Variants in MIPEP observed in about 807,000 individuals in gnomAD.
MIPEP encodes mitochondrial intermediate peptidase.
In MIPEP, 79 loss-of-function variants were observed where a neutral mutation model predicts 90.3. The observed-to-expected ratio is 0.87, with a 90% CI of 0.73 to 1.05. The LOEUF (loss-of-function observed/expected upper bound fraction) is 1.05. Among genes scored for constraint, MIPEP ranks in the 50% least tolerant of loss-of-function variants. The probability of loss-of-function intolerance (pLI) is 0.00; values close to 1 mark genes in which losing one functional copy is unlikely to be tolerated. For synonymous variants in MIPEP, 334 were observed against 315.8 expected, an observed-to-expected ratio of 1.06 and a Z score of -0.61; for missense variants, 940 against 905.6, an observed-to-expected ratio of 1.04 and a Z score of -0.49.
intron 16 of MIPEP, among the ~76,000 whole-genome samples, chr13:23,785,759 T>C (rs1027854137): frequency 6.6e-6 from 1 of 152,090 alleles, no homozygotes; most frequent in Non-Finnish European, 1.5e-5. Context: ...AAATTTCATA[T>C]TAAAAATCCA....
At chr13:23,737,344 T>C (rs1952277287) in intron 18 of MIPEP, among the ~76,000 whole-genome samples, 2 of 152,118 alleles carry the variant, frequency 1.3e-5, no homozygotes, top group African/African-American at 4.8e-5. Context: ...GTGCTCACAA[T>C]GCTTGGTTGC....
At chr13:23,785,871 T>A (rs1952834282) in intron 16 of MIPEP, among the ~76,000 whole-genome samples, 1 of 151,912 alleles carries the variant, frequency 6.6e-6, no homozygotes, top group African/African-American at 2.4e-5. Flanking sequence ...GAAAACCTAG[T>A]ATCTGACAAA....
chr13:23,873,059 G>C (rs970804397), intron 5 of MIPEP, among the ~76,000 whole-genome samples: 1 of 152,200 alleles, frequency 6.6e-6, no homozygotes, highest in Non-Finnish European at 1.5e-5. Flanking sequence ...AAAGAAGAAT[G>C]CCACATGACT....
At chr13:23,776,075 C>G (rs900876778) in intron 16 of MIPEP, among the ~76,000 whole-genome samples, 1 of 152,048 alleles carries the variant, frequency 6.6e-6, no homozygotes, top group Non-Finnish European at 1.5e-5. Context: ...TTCTCCCTGC[C>G]TTCAATCTCT....
At chr13:23,877,048 C>T (rs951534064) in intron 4 of MIPEP, among the ~76,000 whole-genome samples, 5 of 152,094 alleles carry the variant, frequency 3.3e-5, no homozygotes, top group African/African-American at 1.2e-4. Context: ...ACTATTCTGG[C>T]ATTTTTAAGT....
At position 23,736,076 on chromosome 13, in the gene MIPEP, T is replaced by TAAA. The variant is rs1952260678; in HGVS notation, c.2045-5634_2045-5632dup. Among the ~76,000 whole-genome samples, 3 of 152,196 alleles carry TAAA rather than the reference T, an allele frequency of 2.0e-5. No individual in the cohort carries two copies. In the South Asian group the frequency reaches 6.2e-4, roughly 32 times the overall value. On this transcript the variant is annotated intron_variant, in intron 18 of 18. Transcript: ENST00000382172. ...GTCTTAATTTTAGAAGGGTGACGATTAAAATTGTATTTTCCAAGCACCCCT... is the reference window on the plus strand; with the variant it reads ...GTCTTAATTTTAGAAGGGTGACGATTAAAAAAATTGTATTTTCCAAGCACCCCT...
chr13:23,862,367 A>G lies in MIPEP; in HGVS notation c.993-5T>C. The stretch of plus-strand genomic sequence containing the variant: ...ATCTCAAAATCTTTCAGAGTTCTAT[A>G]AAACAGGTTTATCATTACTTGTTAG... On this transcript the variant is annotated splice_polypyrimidine_tract_variant and splice_region_variant and intron_variant, in intron 8 of 18. Coordinates refer to ENST00000382172, the MANE Select transcript of MIPEP (RefSeq NM_005932.4). The G allele has an allele frequency of 6.4e-7, 1 of 1,558,148 alleles. No homozygotes were observed. Among genetic ancestry groups the G allele is most frequent in the Non-Finnish European group, 8.8e-7 (1 of 1,139,286 alleles).
At chr13:23,870,320 T>TAA (rs1870737164) in intron 5 of MIPEP, 125 bp from the exon 6 acceptor site, 1 of 399,344 alleles carries the variant, frequency 2.5e-6, no homozygotes, top group Non-Finnish European at 3.9e-6. Flanking sequence ...AATAAAATAT[T>TAA]AGTTTAGTAA....
At chr13:23,887,058 T>C (rs1045094966) in intron 1 of MIPEP, among the ~76,000 whole-genome samples, 1 of 152,180 alleles carries the variant, frequency 6.6e-6, no homozygotes, top group Non-Finnish European at 1.5e-5. Context: ...GAGATCTCAG[T>C]ACATAGTACC....
Position 23,862,358 on chromosome 13 carries a change from G to A in MIPEP, c.997C>T (p.Leu333=), listed in dbSNP as rs1037117296. The A allele has an allele frequency of 5.1e-6, 8 of 1,573,306 alleles. No individual in the cohort carries two copies. Among genetic ancestry groups the A allele is most frequent in the Non-Finnish European group, 8.7e-7 (1 of 1,151,178 alleles). The change falls in exon 9 of 19, where the codon CTG becomes TTG. Residue 333 remains leucine (L), a synonymous_variant. Coordinates refer to ENST00000382172, the MANE Select transcript of MIPEP (RefSeq NM_005932.4). ...CCTCGTATCATCTCAAAATCTTTCAGAGTTCTATAAAACAGGTTTATCATT... is the reference window on the plus strand; with the variant it reads ...CCTCGTATCATCTCAAAATCTTTCAAAGTTCTATAAAACAGGTTTATCATT... The part of the protein sequence containing the change: ...KLSDKLSERT[L]KDFEMIRGMK...
At chr13:23,770,164 C>A (rs1004522420) in intron 16 of MIPEP, among the ~76,000 whole-genome samples, 4 of 152,164 alleles carry the variant, frequency 2.6e-5, no homozygotes, top group Non-Finnish European at 5.9e-5. Context: ...ATTAAACAGG[C>A]AAGCAGAACC....
intron 6 of MIPEP, 90 bp downstream of exon 6, chr13:23,869,923 G>T (rs1215776130): frequency 1.9e-6 from 2 of 1,059,652 alleles, no homozygotes; most frequent in East Asian, 5.6e-5. Flanking sequence ...AGTTTTTAAG[G>T]ATACTATTAT....
intron 8 of MIPEP, 47 bp from the exon 9 acceptor site, chr13:23,862,409 T>C: frequency 9.1e-7 from 1 of 1,094,724 alleles, no homozygotes; most frequent in Non-Finnish European, 1.4e-6. Flanking sequence ...ATTTTAACAA[T>C]TACATTATGA....
At chr13:23,835,898 T>C (rs771291660) in intron 14 of MIPEP, among the ~76,000 whole-genome samples, 3 of 152,220 alleles carry the variant, frequency 2.0e-5, no homozygotes, top group Non-Finnish European at 4.4e-5. Context: ...TTTTTAGAAG[T>C]GAGACAGGCT....
In MIPEP at chr13:23,836,311, T is replaced by C. The variant is rs759253547; in HGVS notation, c.1582A>G (p.Ile528Val). The change falls in exon 14 of 19, where the codon ATT (isoleucine) becomes GTT (valine). Residue 528 changes from isoleucine to valine, a missense_variant. Ile to Val is a conservative substitution (Grantham distance 29). Coordinates refer to ENST00000382172, the MANE Select transcript of MIPEP (RefSeq NM_005932.4). ...TCATTTGCAAAGTACTCCATCAGAA[T>C]AGAAGGAACCTCAGCAAAATCAGTA... ...CPTDFAEVPS[I>V]LMEYFANDYR... 7.5e-6 allele frequency: 12 copies of C among 1,601,442 alleles called. No individual in the cohort carries two copies. The Admixed American group carries it at 8.6e-5, about 12-fold the overall frequency.
intron 16 of MIPEP, among the ~76,000 whole-genome samples, chr13:23,799,414 G>T (rs141916783): frequency 1.9e-3 from 295 of 152,096 alleles, no homozygotes; most frequent in African/African-American, 6.9e-3. Context: ...TGCAAGCTCC[G>T]CCTTCTGGGT....
intron 3 of MIPEP, 126 bp from the exon 4 acceptor site, chr13:23,879,480 G>A: frequency 3.3e-6 from 2 of 600,154 alleles, no homozygotes; most frequent in East Asian, 2.9e-5. Flanking sequence ...TAACCTACCA[G>A]GAACAGTGTA....
chr13:23,852,192 T>C (rs1234526254), intron 10 of MIPEP, among the ~76,000 whole-genome samples: 1 of 152,190 alleles, frequency 6.6e-6, no homozygotes, highest in Non-Finnish European at 1.5e-5. Flanking sequence ...GGAGGCTTTG[T>C]TGGAGTCCTA....
chr13:23,880,617 G>A (rs903123434), intron 3 of MIPEP, among the ~76,000 whole-genome samples: 4 of 152,158 alleles, frequency 2.6e-5, no homozygotes, highest in Non-Finnish European at 4.4e-5. Context: ...GCCTTTCCCC[G>A]AGAGGCAAAG....
Sources: gnomAD v4.1 joint callset for allele counts (sites outside exome capture counted in the v4.1 genomes callset) on GRCh38, gnomAD v4.1.1 for gene constraint, MANE v1.5 for transcripts, NCBI Gene and HGNC (gene_info 2026-07-23, HGNC 2026-07-21) for gene names.